Variants in RAB28 observed in about 807,000 individuals in gnomAD.
RAB28 encodes the protein ras-related protein Rab-28.
RAB28 carries 24 observed loss-of-function variants against 31.7 expected under a neutral mutation model. The ratio of observed to expected loss-of-function variants is 0.76; its 90% CI spans 0.55 to 1.06. The LOEUF is 1.06. Among genes scored for constraint, RAB28 ranks in the 50% least tolerant of loss-of-function variants. RAB28 has a pLI of 0.00. For missense variants in RAB28, 254 were observed against 258.5 expected (o/e 0.98, Z 0.12); for synonymous variants, 100 against 90.4 (o/e 1.11, Z -0.60).
chr4:13,423,752 G>GTT (rs1306271329), intron 4 of RAB28, among the ~76,000 whole-genome samples: 1 of 152,114 alleles, frequency 6.6e-6, no homozygotes, highest in Non-Finnish European at 1.5e-5. Context: ...GAGAATACAA[G>GTT]TAAGTGTTCA....
chr4:13,446,843 A>G (rs1184099292), intron 4 of RAB28, among the ~76,000 whole-genome samples: 2 of 152,136 alleles, frequency 1.3e-5, no homozygotes, highest in Non-Finnish European at 2.9e-5. Flanking sequence ...GGAATTACAG[A>G]TACATATATC....
intron 4 of RAB28, among the ~76,000 whole-genome samples, chr4:13,409,998 C>T (rs531393101): frequency 3.3e-5 from 5 of 152,034 alleles, no homozygotes; most frequent in South Asian, 2.1e-4. Context: ...AGTGCTATCT[C>T]GTGATGGAAT....
intron 4 of RAB28, among the ~76,000 whole-genome samples, chr4:13,450,358 T>C (rs1427857338): frequency 1.3e-5 from 2 of 151,868 alleles, no homozygotes; most frequent in African/African-American, 4.8e-5. Context: ...CTATGATGTA[T>C]TTCCCAAGGA....
intron 6 of RAB28, chr4:13,370,155 G>A: frequency 7.1e-6 from 7 of 979,080 alleles, no homozygotes; most frequent in Non-Finnish European, 8.5e-6. Context: ...ACATACAAAA[G>A]GAAAGAAAAG....
At chr4:13,382,103 T>C (rs1729157298) in intron 4 of RAB28, among the ~76,000 whole-genome samples, 1 of 152,246 alleles carries the variant, frequency 6.6e-6, no homozygotes, top group African/African-American at 2.4e-5. Context: ...TTACATTGTG[T>C]GTTTACATTA....
intron 4 of RAB28, among the ~76,000 whole-genome samples, chr4:13,436,379 T>C (rs1714109094): frequency 6.6e-6 from 1 of 151,912 alleles, no homozygotes; most frequent in Non-Finnish European, 1.5e-5. Flanking sequence ...GAGAAAAAAA[T>C]AAAGGGCATC....
At chr4:13,428,475 G>A (rs987900098) in intron 4 of RAB28, among the ~76,000 whole-genome samples, 1 of 152,194 alleles carries the variant, frequency 6.6e-6, no homozygotes, top group African/African-American at 2.4e-5. Context: ...AAATCAGTCA[G>A]AAACATCCAG....
At chr4:13,445,145 T>C (rs979981512) in intron 4 of RAB28, among the ~76,000 whole-genome samples, 2 of 151,882 alleles carry the variant, frequency 1.3e-5, no homozygotes, top group African/African-American at 4.8e-5. Context: ...AACTCTGAAA[T>C]CCTTTCTTCT....
chr4:13,417,181 G>A (rs1712833648), intron 4 of RAB28, among the ~76,000 whole-genome samples: 1 of 152,362 alleles, frequency 6.6e-6, no homozygotes, highest in Non-Finnish European at 1.5e-5. Context: ...GCCTGGCAGA[G>A]GGAGGGGCAT....
chr4:13,389,215 AATATC>A (rs1729518828), intron 4 of RAB28, among the ~76,000 whole-genome samples: 1 of 152,194 alleles, frequency 6.6e-6, no homozygotes. Flanking sequence ...ACCAAATGCA[AATATC>A]ATATGATTCC....
chr4:13,466,995 G>C (rs905327107), intron 3 of RAB28, among the ~76,000 whole-genome samples: 1 of 151,938 alleles, frequency 6.6e-6, no homozygotes, highest in Non-Finnish European at 1.5e-5. Flanking sequence ...CAGAAGTAGG[G>C]AGTAGACTGG....
chr4:13,375,768 AACACACAC>A (rs377543521), intron 6 of RAB28, among the ~76,000 whole-genome samples: 7 of 148,068 alleles, frequency 4.7e-5, no homozygotes, highest in Admixed American at 2.0e-4. Flanking sequence ...ATTGTTTTAA[AACACACAC>A]ACACACACAC....
chr4:13,470,587 A>G (rs1300545711), intron 3 of RAB28, among the ~76,000 whole-genome samples: 1 of 151,998 alleles, frequency 6.6e-6, no homozygotes, highest in East Asian at 1.9e-4. Context: ...AGATTCCAGG[A>G]CAGAAAGAGC....
At chr4:13,413,759 AAG>A (rs1439388536) in intron 4 of RAB28, among the ~76,000 whole-genome samples, 1 of 152,228 alleles carries the variant, frequency 6.6e-6, no homozygotes, top group Non-Finnish European at 1.5e-5. Flanking sequence ...GGGATTTTTA[AAG>A]ACAGAGAATG....
chr4:13,444,397 C>T (rs568403311), intron 4 of RAB28, among the ~76,000 whole-genome samples: 2 of 151,840 alleles, frequency 1.3e-5, no homozygotes, highest in Non-Finnish European at 2.9e-5. Flanking sequence ...TATATATATG[C>T]GCCACATTTT....
At chr4:13,467,836 C>T (rs1394517061) in intron 3 of RAB28, among the ~76,000 whole-genome samples, 1 of 151,712 alleles carries the variant, frequency 6.6e-6, no homozygotes, top group Non-Finnish European at 1.5e-5. Flanking sequence ...GACATATTGT[C>T]AAAGGAGATG....
intron 4 of RAB28, among the ~76,000 whole-genome samples, chr4:13,417,461 T>C (rs1272647091): frequency 1.3e-5 from 2 of 152,212 alleles, no homozygotes; most frequent in Non-Finnish European, 1.5e-5. Flanking sequence ...GACCCCTATG[T>C]AGCCTAACTG....
intron 3 of RAB28, among the ~76,000 whole-genome samples, chr4:13,466,056 T>C (rs1715826165): frequency 6.6e-6 from 1 of 151,780 alleles, no homozygotes; most frequent in South Asian, 2.1e-4. Context: ...TCACAACATA[T>C]ACAAAAACCA....
At chr4:13,420,889 T>A (rs569102788) in intron 4 of RAB28, among the ~76,000 whole-genome samples, 1 of 152,334 alleles carries the variant, frequency 6.6e-6, no homozygotes, top group South Asian at 2.1e-4. Context: ...CAACATAGTG[T>A]TGGAAGTTCT....
Sources: allele counts gnomAD v4.1 joint callset (sites outside exome capture counted in the v4.1 genomes callset), GRCh38; gene constraint gnomAD v4.1.1; transcripts MANE v1.5; gene names NCBI Gene and HGNC (gene_info 2026-07-23, HGNC 2026-07-21).